OSBP2: variants seen among roughly 807,000 people sequenced by gnomAD.
OSBP2 encodes oxysterol binding protein 2.
In OSBP2, 66 loss-of-function variants were observed where a neutral mutation model predicts 96.0. The ratio of observed to expected loss-of-function variants is 0.69; its 90% CI spans 0.56 to 0.84. OSBP2 has a LOEUF of 0.84. Ranked by LOEUF, OSBP2 falls within the 40% of genes least tolerant of loss-of-function variation. The pLI is 0.00. For synonymous variants in OSBP2, 525 were observed against 520.9 expected (o/e 1.01, Z -0.11); for missense variants, 1,038 against 1,222.7 (o/e 0.85, Z 2.25).
At chr22:30,895,829 T>G (rs1313316655) in intron 12 of OSBP2, among the ~76,000 whole-genome samples, 2 of 150,970 alleles carry the variant, frequency 1.3e-5, no homozygotes, top group East Asian at 2.0e-4. Flanking sequence ...TCCCAGCTAC[T>G]CAGGAGGCTG....
chr22:30,808,726 G>A (rs2090966652), intron 2 of OSBP2, among the ~76,000 whole-genome samples: 1 of 151,956 alleles, frequency 6.6e-6, no homozygotes, highest in Non-Finnish European at 1.5e-5. Flanking sequence ...AGGCTGAGGC[G>A]GGCCGATCAC....
intron 1 of OSBP2, among the ~76,000 whole-genome samples, chr22:30,712,073 A>G (rs1244678117): frequency 6.6e-6 from 1 of 152,216 alleles, no homozygotes; most frequent in Admixed American, 6.5e-5. Flanking sequence ...ACGGAGATCA[A>G]TGGCAAGTGG....
At chr22:30,825,600 TTGTA>T (rs1373470138) in intron 2 of OSBP2, among the ~76,000 whole-genome samples, 1 of 152,220 alleles carries the variant, frequency 6.6e-6, no homozygotes, top group Non-Finnish European at 1.5e-5. Context: ...CCCTTTGCCT[TTGTA>T]TGTGTGCACT....
intron 2 of OSBP2, among the ~76,000 whole-genome samples, chr22:30,849,657 G>T (rs1281256408): frequency 1.3e-5 from 2 of 151,968 alleles, no homozygotes; most frequent in Non-Finnish European, 2.9e-5. Context: ...AACATATATT[G>T]GGAAAAACTT....
intron 3 of OSBP2, among the ~76,000 whole-genome samples, chr22:30,874,058 G>A (rs1212147609): frequency 6.6e-6 from 1 of 152,176 alleles, no homozygotes; most frequent in East Asian, 1.9e-4. Context: ...CCAACATGGT[G>A]AAACCCTGTC....
intron 2 of OSBP2, among the ~76,000 whole-genome samples, chr22:30,865,429 A>G (rs372813156): frequency 3.3e-5 from 5 of 152,246 alleles, no homozygotes; most frequent in Non-Finnish European, 7.4e-5. Context: ...GTTTGAGACC[A>G]GCCTGGCCAA....
chr22:30,867,471 C>G (rs1393828433), intron 2 of OSBP2, among the ~76,000 whole-genome samples: 1 of 152,222 alleles, frequency 6.6e-6, no homozygotes, highest in African/African-American at 2.4e-5. Flanking sequence ...CATTCACTCA[C>G]TCATTCACTC....
At chr22:30,882,917 A>G (rs986574399) in intron 3 of OSBP2, among the ~76,000 whole-genome samples, 4 of 152,196 alleles carry the variant, frequency 2.6e-5, no homozygotes, top group African/African-American at 9.7e-5. Flanking sequence ...GCTGCTGGGA[A>G]GCCCAGGCAC....
At chr22:30,795,744 C>G (rs945968681) in intron 2 of OSBP2, among the ~76,000 whole-genome samples, 1 of 152,192 alleles carries the variant, frequency 6.6e-6, no homozygotes, top group East Asian at 1.9e-4. Flanking sequence ...ATCTCAAACT[C>G]CCGACCTCAG....
At position 30,887,557 on chromosome 22, in the gene OSBP2, C is replaced by T. The variant is rs200700973; in HGVS notation, c.1239C>T (p.Leu413=). ...AGCTGGCGAAGCAGCACAACAGCCT[C>T]GAGCGGGCCTTCCACAGTGCCCCTG... is the stretch of plus-strand genomic sequence containing the variant. ...IEQLAKQHNS[L]ERAFHSAPGR... The change falls in exon 4 of 14, where the codon CTC becomes CTT. Residue 413 remains leucine, a synonymous_variant. Coordinates refer to ENST00000332585, the MANE Select transcript of OSBP2 (RefSeq NM_030758.4). 109 of 1,613,278 alleles carry T rather than the reference C, an allele frequency of 6.8e-5. No individual in the cohort carries two copies. In the African/African-American group the frequency reaches 1.0e-3, roughly 15 times the overall value.
intron 1 of OSBP2, among the ~76,000 whole-genome samples, chr22:30,722,546 T>G (rs1389115197): frequency 6.6e-6 from 1 of 152,188 alleles, no homozygotes; most frequent in Non-Finnish European, 1.5e-5. Flanking sequence ...TAGTCAATAC[T>G]CAAATTTCCC....
chr22:30,762,725 C>G (rs2090222060), intron 2 of OSBP2, among the ~76,000 whole-genome samples: 1 of 152,212 alleles, frequency 6.6e-6, no homozygotes, highest in Admixed American at 6.5e-5. Flanking sequence ...CTATTTTCCT[C>G]AAGTCTGTTT....
At position 30,864,606 on chromosome 22, in the gene OSBP2, G is replaced by A. The variant is rs1394079511; in HGVS notation, c.854-5823G>A. 2.6e-5 allele frequency among the ~76,000 whole-genome samples: 4 copies of A among 152,192 alleles called. No individual in the cohort carries two copies. In the South Asian group the frequency reaches 8.3e-4, roughly 32 times the overall value. On this transcript the variant is annotated intron_variant, in intron 2 of 13. Coordinates refer to ENST00000332585, the MANE Select transcript of OSBP2 (RefSeq NM_030758.4). Reference sequence around the variant, plus strand: ...TGTCTGAATGTCCTTCCCCGCCCAGGACCCCGTGAGTGCGCAGCTCCCAGC... The same window carrying A: ...TGTCTGAATGTCCTTCCCCGCCCAGAACCCCGTGAGTGCGCAGCTCCCAGC...
chr22:30,809,411 G>C (rs1458773309), intron 2 of OSBP2, among the ~76,000 whole-genome samples: 2 of 152,198 alleles, frequency 1.3e-5, no homozygotes, highest in Non-Finnish European at 2.9e-5. Context: ...CAGCCTTCCA[G>C]CCCCTTGCTG....
rs148255523 is a variant in OSBP2 at position 30,880,791 on chromosome 22, G to A, written c.1108-6635G>A. Among the ~76,000 whole-genome samples, 102 of 152,298 alleles carry A rather than the reference G, an allele frequency of 6.7e-4. No homozygotes were observed. In the East Asian group the frequency reaches 0.012, roughly 17 times the overall value. ...ATTAGAGTTTGTCCTCCTCTTCCTGGGGTGCATCTGGGCAAAGGTTTCCAG... is the reference window on the plus strand; with the variant it reads ...ATTAGAGTTTGTCCTCCTCTTCCTGAGGTGCATCTGGGCAAAGGTTTCCAG... On this transcript the variant is annotated intron_variant, in intron 3 of 13. Transcript: ENST00000332585.
Position 30,833,983 on chromosome 22 carries a change from C to T in OSBP2, c.854-36446C>T, listed in dbSNP as rs1343804637. On this transcript the variant is annotated intron_variant, in intron 2 of 13. Coordinates refer to ENST00000332585, the MANE Select transcript of OSBP2 (RefSeq NM_030758.4). ...TTGTACACCCACCACATAGATTCTA[C>T]CAATAACATTTTACTATATTTACTT... is the stretch of plus-strand genomic sequence containing the variant. 2.6e-5 allele frequency among the ~76,000 whole-genome samples: 4 copies of T among 152,272 alleles called. No homozygotes were observed. In the South Asian group the frequency reaches 8.3e-4, roughly 32 times the overall value.
At chr22:30,895,566 G>A (rs1419990356) in intron 12 of OSBP2, among the ~76,000 whole-genome samples, 1 of 152,136 alleles carries the variant, frequency 6.6e-6, no homozygotes, top group Non-Finnish European at 1.5e-5. Context: ...TTTGTATCTA[G>A]TCAAACTGAC....
chr22:30,874,203 T>C (rs1012183325), intron 3 of OSBP2, among the ~76,000 whole-genome samples: 5 of 149,362 alleles, frequency 3.3e-5, no homozygotes, highest in African/African-American at 7.5e-5. Flanking sequence ...CACCACTGCA[T>C]TCCAAACTGA....
intron 2 of OSBP2, among the ~76,000 whole-genome samples, chr22:30,772,700 T>A (rs894576422): frequency 1.3e-5 from 2 of 152,220 alleles, no homozygotes; most frequent in Admixed American, 1.3e-4. Context: ...TCTGCCTCTC[T>A]TGGCCTCAGC....
Sources: gnomAD v4.1 joint callset for allele counts (sites outside exome capture counted in the v4.1 genomes callset) on GRCh38, gnomAD v4.1.1 for gene constraint, MANE v1.5 for transcripts, NCBI Gene and HGNC (gene_info 2026-07-23, HGNC 2026-07-21) for gene names.